FBXO41: variants seen among roughly 807,000 people sequenced by gnomAD.
FBXO41 encodes the protein F-box only protein 41.
FBXO41 carries 33 observed loss-of-function variants against 81.6 expected under a neutral mutation model. That is an observed-to-expected ratio of 0.40 (90% CI 0.31 to 0.54). The LOEUF is 0.54. Among genes scored for constraint, FBXO41 ranks in the 20% least tolerant of loss-of-function variants. The probability of loss-of-function intolerance (pLI) is 0.39; values close to 1 mark genes in which losing one functional copy is unlikely to be tolerated. For missense variants in FBXO41, 1,107 were observed against 1,236.0 expected (o/e 0.90, Z 1.56); for synonymous variants, 576 against 552.7 (o/e 1.04, Z -0.59).
Position 73,265,497 on chromosome 2 carries a change from C to T in FBXO41, c.1349G>A (p.Gly450Asp). Residue 450 changes from glycine to aspartate, a missense_variant, in exon 5 of 13, where the codon GGC becomes GAC. This residue lies in a region of FBXO41 where 771 missense variants were observed against 789.2 expected (regional missense o/e 0.98). Coordinates refer to ENST00000520530, the MANE Select transcript of FBXO41 (RefSeq NM_001371389.2). ...LGTRAQAANG[G>D]SERSQPPRSS... ...GCGAGGGGGCTGGGACCGCTCTGAG[C>T]CCCCGTTGGCAGCCTGGGCCCGTGT... The T allele has an allele frequency of 6.3e-7, 1 of 1,597,106 alleles. No homozygotes were observed. Among genetic ancestry groups the T allele is most frequent in the South Asian group, 1.1e-5 (1 of 89,502 alleles).
chr2:73,280,839 C>T (rs1688826333), intron 1 of FBXO41, among the ~76,000 whole-genome samples: 1 of 152,188 alleles, frequency 6.6e-6, no homozygotes, highest in Non-Finnish European at 1.5e-5. Flanking sequence ...ACTGATTCAT[C>T]CTAACACACA....
intron 1 of FBXO41, among the ~76,000 whole-genome samples, chr2:73,283,317 G>C (rs1166722232): frequency 6.6e-6 from 1 of 152,180 alleles, no homozygotes; most frequent in African/African-American, 2.4e-5. Context: ...CTCCAGCCTG[G>C]CGAAGACCCT....
chr2:73,264,308 C>T lies in FBXO41; in HGVS notation c.1776G>A (p.Val592=), dbSNP rs1688141287. Residue 592 remains valine (V), a synonymous_variant, in exon 6 of 13, where the codon GTG becomes GTA. Transcript: ENST00000520530. ...VARHPAVWTR[V]LLENARVCSK... ...AGCAGACACGGGCATTCTCAAGCAG[C>T]ACCCTTGTCCAGACTGCGGGGTGGC... is the stretch of plus-strand genomic sequence containing the variant. The T allele has an allele frequency of 6.2e-7, 1 of 1,613,506 alleles. No individual in the cohort carries two copies. Among genetic ancestry groups the T allele is most frequent in the Non-Finnish European group, 8.5e-7 (1 of 1,179,900 alleles).
chr2:73,270,690 G>A, intron 1 of FBXO41: 1 of 436,350 alleles, frequency 2.3e-6, no homozygotes, highest in South Asian at 1.7e-5. Flanking sequence ...CACCCCTTTT[G>A]GCACAAGGTC....
At position 73,263,215 on chromosome 2, in the gene FBXO41, G is replaced by C; in HGVS notation, c.2169C>G (p.Pro723=). Residue 723 remains proline (P), a splice_region_variant and synonymous_variant, in exon 9 of 13, where the codon CCC becomes CCG. Coordinates refer to ENST00000520530, the MANE Select transcript of FBXO41 (RefSeq NM_001371389.2). ...CCCCCAAACCTGCCAGGGCTCACCA[G>C]GGGTGAAGTGGTGCCACTTGGAGGG... ...IVSLQVAPLH[P]CQQPTRFSNR... The C allele has an allele frequency of 6.4e-7, 1 of 1,554,228 alleles. No homozygotes were observed. Among genetic ancestry groups the C allele is most frequent in the Non-Finnish European group, 8.7e-7 (1 of 1,148,420 alleles).
intron 1 of FBXO41, among the ~76,000 whole-genome samples, chr2:73,279,863 G>A (rs1033032586): frequency 3.3e-5 from 5 of 152,158 alleles, no homozygotes; most frequent in African/African-American, 7.2e-5. Flanking sequence ...CCGCAGGCCC[G>A]AGGCACGAAT....
chr2:73,268,783 A>G lies in FBXO41; in HGVS notation c.848T>C (p.Leu283Pro). The G allele has an allele frequency of 6.3e-7, 1 of 1,581,430 alleles. No homozygotes were observed. The highest frequency in any genetic ancestry group is 8.6e-7 in the Non-Finnish European group (1 of 1,163,584). Reference sequence around the variant, plus strand: ...CACCAGGTCCTGCTTGAGTGAGGCCAGCAGCTCTACGCTCACGTCCACCTG... The same window carrying G: ...CACCAGGTCCTGCTTGAGTGAGGCCGGCAGCTCTACGCTCACGTCCACCTG... Reference protein sequence around the residue: ...SRQVDVSVELLASLKQDLVHK... With the variant: ...SRQVDVSVELPASLKQDLVHK... Residue 283 changes from leucine to proline, a missense_variant, in exon 2 of 13, where the codon CTG becomes CCG. This residue lies in a region of FBXO41 where 771 missense variants were observed against 789.2 expected (regional missense o/e 0.98). Coordinates refer to ENST00000520530, the MANE Select transcript of FBXO41 (RefSeq NM_001371389.2).
rs372169842 is a variant in FBXO41, at chr2:73,260,882, G to A, written c.2172-24C>T. 218 of 1,535,004 alleles carry A rather than the reference G, an allele frequency of 1.4e-4. No individual in the cohort carries two copies. Among genetic ancestry groups the A allele is most frequent in the East Asian group, 6.1e-4 (25 of 40,892 alleles). ...GGCTGGAGAATGGGAAGGGGGAGCC[G>A]TCAGGGAAGTCTCTGGATGCTTGAT... On this transcript the variant is annotated intron_variant, in intron 9 of 12. Coordinates refer to ENST00000520530, the MANE Select transcript of FBXO41 (RefSeq NM_001371389.2). This position sits in a 1 kb window ranked among gnomAD's most constrained non-coding sequence, Gnocchi z 5.0.
At chr2:73,270,442 G>A (rs1688458979) in intron 1 of FBXO41, among the ~76,000 whole-genome samples, 1 of 152,098 alleles carries the variant, frequency 6.6e-6, no homozygotes. Flanking sequence ...TTTGCAGACT[G>A]CACCCCCACA....
intron 9 of FBXO41, 45 bp downstream of exon 9, chr2:73,263,168 C>T: frequency 2.0e-6 from 3 of 1,499,926 alleles, no homozygotes; most frequent in Middle Eastern, 3.4e-4. Context: ...CAGACCAGGC[C>T]CAACCGTGTC....
chr2:73,281,973 G>C (rs2103921696), intron 1 of FBXO41, among the ~76,000 whole-genome samples: 1 of 152,346 alleles, frequency 6.6e-6, no homozygotes, highest in Non-Finnish European at 1.5e-5. Flanking sequence ...AATACACACA[G>C]GTTGGCCCAT....
At position 73,255,720 on chromosome 2, in the gene FBXO41, T is replaced by G. The variant is rs1687784441; in HGVS notation, c.*3262A>C. 1 of 152,526 alleles carries G rather than the reference T, an allele frequency of 6.6e-6. No individual in the cohort carries two copies. The highest frequency in any genetic ancestry group is 2.4e-5 in the African/African-American group (1 of 41,388). 9.4% of individuals were successfully genotyped at this position (152,526 alleles called of 1,614,324 possible). A position where few individuals can be genotyped will look rare whatever the true frequency, so the allele number is the denominator to read the frequency against. On this transcript the variant is annotated 3_prime_UTR_variant, in exon 13 of 13. Transcript: ENST00000520530. Reference sequence around the variant, plus strand: ...GACTCCCCACTGGTGGCCCCAAAGATAAGAGACCAGGAGTGGGGAAATAGG... The same window carrying G: ...GACTCCCCACTGGTGGCCCCAAAGAGAAGAGACCAGGAGTGGGGAAATAGG...
In FBXO41 at chr2:73,254,890, G is replaced by A. The variant is rs1687749412; in HGVS notation, c.*4092C>T. 1 of 152,678 alleles carries A rather than the reference G, an allele frequency of 6.5e-6. No homozygotes were observed. The highest frequency in any genetic ancestry group is 1.5e-5 in the Non-Finnish European group (1 of 68,068). 9.5% of individuals were successfully genotyped at this position (152,678 alleles called of 1,614,324 possible). A position where few individuals can be genotyped will look rare whatever the true frequency, so the allele number is the denominator to read the frequency against. ...AGGCCCCCTGGGGGCTGGAGGTACAGGCACCACTTCAGAAACAAAAATAAA... is the reference window on the plus strand; with the variant it reads ...AGGCCCCCTGGGGGCTGGAGGTACAAGCACCACTTCAGAAACAAAAATAAA... On this transcript the variant is annotated 3_prime_UTR_variant, in exon 13 of 13. Coordinates refer to ENST00000520530, the MANE Select transcript of FBXO41 (RefSeq NM_001371389.2).
At chr2:73,267,993 A>G (rs1203192251) in intron 2 of FBXO41, among the ~76,000 whole-genome samples, 2 of 152,238 alleles carry the variant, frequency 1.3e-5, no homozygotes, top group African/African-American at 4.8e-5. Context: ...GTCAGGGGCC[A>G]TCTGTAGTTC....
rs563110065 is a variant in FBXO41, at chr2:73,255,897, C to T, written c.*3085G>A. The T allele has an allele frequency of 1.3e-5, 2 of 152,362 alleles. No individual in the cohort carries two copies. The highest frequency in any genetic ancestry group is 4.8e-5 in the African/African-American group (2 of 41,548). 9.4% of individuals were successfully genotyped at this position (152,362 alleles called of 1,614,324 possible). On this transcript the variant is annotated 3_prime_UTR_variant, in exon 13 of 13. Transcript: ENST00000520530. The stretch of plus-strand genomic sequence containing the variant: ...CCAAGAAAACAGGAGCTGCCTTGAT[C>T]CTTAGGTGGTCTCTCCTGGCTGGGG...
chr2:73,271,623 T>TGCCCCCC, intron 1 of FBXO41: 1 of 107,668 alleles, frequency 9.3e-6, no homozygotes, highest in Admixed American at 9.6e-5. Context: ...AATTCTGCAC[T>TGCCCCCC]CCCCCCCCCC....
rs775360098 is a variant in FBXO41, at chr2:73,260,216, C to A, written c.2449+173G>T. On this transcript the variant is annotated intron_variant, in intron 11 of 12. Coordinates refer to ENST00000520530, the MANE Select transcript of FBXO41 (RefSeq NM_001371389.2). The surrounding 1 kb of genome is among the most constrained non-coding windows in gnomAD (Gnocchi z 5.0). ...TCAGCTAATAAGTAGCAGAGCCAGACCTGGGACCTAGGTCAGTCAGGCTCT... is the reference window on the plus strand; with the variant it reads ...TCAGCTAATAAGTAGCAGAGCCAGAACTGGGACCTAGGTCAGTCAGGCTCT... Among the ~76,000 whole-genome samples the A allele has an allele frequency of 2.0e-5, 3 of 152,152 alleles. No individual in the cohort carries two copies. The highest frequency in any genetic ancestry group is 4.4e-5 in the Non-Finnish European group (3 of 68,022).
Position 73,265,393 on chromosome 2 carries a change from C to T in FBXO41, c.1453G>A (p.Asp485Asn), listed in dbSNP as rs1234591792. 2 of 1,611,252 alleles carry T rather than the reference C, an allele frequency of 1.2e-6. No homozygotes were observed. The highest frequency in any genetic ancestry group is 1.7e-6 in the Non-Finnish European group (2 of 1,179,744). The part of the protein sequence containing the change: ...RRHSTEGEEG[D>N]VSDVGSRTTE... ...GTTCGGGAGCCAACGTCGGAGACAT[C>T]ACCCTCTTCCCCCTCAGTGCTGTGT... Residue 485 changes from aspartate (D) to asparagine (N), a missense_variant, in exon 5 of 13, where the codon GAT (aspartate) becomes AAT (asparagine). By Grantham distance (23) the Asp-to-Asn change is conservative. Transcript: ENST00000520530.
intron 1 of FBXO41, among the ~76,000 whole-genome samples, chr2:73,274,736 T>C (rs1688638364): frequency 6.6e-6 from 1 of 151,474 alleles, no homozygotes; most frequent in Non-Finnish European, 1.5e-5. Flanking sequence ...TTTTTTTTTG[T>C]TTGTTTGTTT....
Sources: allele counts gnomAD v4.1 joint callset (sites outside exome capture counted in the v4.1 genomes callset), GRCh38; gene constraint gnomAD v4.1.1; regional missense constraint gnomAD v4.1.1; non-coding constraint Gnocchi (gnomAD v3.1); transcripts MANE v1.5; gene names NCBI Gene and HGNC (gene_info 2026-07-23, HGNC 2026-07-21).